The following IGSF11 variants were observed in gnomAD, a reference collection of about 807,000 sequenced individuals.
The protein encoded by IGSF11 is CXADR like 1.
In IGSF11, 22 loss-of-function variants were observed where a neutral mutation model predicts 41.0. The ratio of observed to expected loss-of-function variants is 0.54; its 90% CI spans 0.38 to 0.77. The LOEUF (loss-of-function observed/expected upper bound fraction) is 0.77. IGSF11 is among the 30% of genes least tolerant of loss of function. The pLI, the probability that IGSF11 is intolerant of heterozygous loss-of-function variation, is 0.00. For synonymous variants in IGSF11, 219 were observed against 201.3 expected, an observed-to-expected ratio of 1.09 and a Z score of -0.74; for missense variants, 444 against 530.8, an observed-to-expected ratio of 0.84 and a Z score of 1.61.
At chr3:118,994,376 G>A (rs1936070591) in intron 1 of IGSF11, among the ~76,000 whole-genome samples, 1 of 152,234 alleles carries the variant, frequency 6.6e-6, no homozygotes. Flanking sequence ...AAATAGTGGG[G>A]CTGGGCACAG....
In IGSF11 at chr3:119,127,202, G is replaced by A. The variant is rs923670881; in HGVS notation, c.-14+18611C>T. Among the ~76,000 whole-genome samples, 6 of 152,122 alleles carry A rather than the reference G, an allele frequency of 3.9e-5. 1 individual carries two copies. The highest frequency in any genetic ancestry group is 6.5e-5 in the Admixed American group (1 of 15,278). On this transcript the variant is annotated intron_variant, in intron 1 of 7. Coordinates refer to the IGSF11 transcript ENST00000425327. Reference sequence around the variant, plus strand: ...GGAACATAAATGACCTGATGGAGCTGCAAAACACAGCACAAGAATTTCATG... The same window carrying A: ...GGAACATAAATGACCTGATGGAGCTACAAAACACAGCACAAGAATTTCATG...
At chr3:119,047,632 C>T (rs1289741515) in intron 1 of IGSF11, among the ~76,000 whole-genome samples, 3 of 152,148 alleles carry the variant, frequency 2.0e-5, no homozygotes, top group Non-Finnish European at 4.4e-5. Flanking sequence ...GAACTCAGCT[C>T]TGCACCAAGA....
At chr3:119,035,168 C>T (rs749030308), upstream of IGSF11, among the ~76,000 whole-genome samples, 3 of 152,236 alleles carry the variant, frequency 2.0e-5, no homozygotes, top group Non-Finnish European at 2.9e-5. Flanking sequence ...TGGTGTCGGC[C>T]TGATGCATCC....
chr3:119,103,676 C>T (rs2076974635), intron 1 of IGSF11, among the ~76,000 whole-genome samples: 1 of 151,752 alleles, frequency 6.6e-6, no homozygotes, highest in Non-Finnish European at 1.5e-5. Flanking sequence ...TGCAGAGTCT[C>T]TTTGGTCCAC....
intron 1 of IGSF11, among the ~76,000 whole-genome samples, chr3:119,094,251 A>AAAAAAAAAAAAAAAAAAAAGG (rs2076812553): frequency 7.9e-6 from 1 of 125,966 alleles, no homozygotes; most frequent in Non-Finnish European, 1.7e-5. Context: ...AAAAAAAAAA[A>AAAAAAAAAAAAAAAAAAAAGG]GTTGTTGTTC....
chr3:119,071,511 G>A (rs1576761732), intron 1 of IGSF11, among the ~76,000 whole-genome samples: 1 of 152,028 alleles, frequency 6.6e-6, no homozygotes, highest in African/African-American at 2.4e-5. Flanking sequence ...TATAGTGTGA[G>A]GTAGGGGTCC....
rs1941610354 is a variant in IGSF11 at position 119,051,153 on chromosome 3, T to TA, written c.49+53990dup. ...CTAAAACTTAAAGTATAATAATAAT[T>TA]AATAAATAAATAAATAAATAAATAA... is the stretch of plus-strand genomic sequence containing the variant. On this transcript the variant is annotated intron_variant, in intron 1 of 6. Coordinates refer to the IGSF11 transcript ENST00000354673. Among the ~76,000 whole-genome samples the TA allele has an allele frequency of 1.3e-4, 19 of 149,180 alleles. No individual in the cohort carries two copies. In the South Asian group the frequency reaches 3.0e-3, roughly 23 times the overall value.
chr3:118,952,188 A>T (rs1368475270), intron 1 of IGSF11, among the ~76,000 whole-genome samples: 1 of 152,194 alleles, frequency 6.6e-6, no homozygotes, highest in South Asian at 2.1e-4. Context: ...CTGAGCCTTC[A>T]GTGAGTCATC....
intron 1 of IGSF11, among the ~76,000 whole-genome samples, chr3:119,116,702 G>A (rs1457392664): frequency 6.6e-6 from 1 of 152,164 alleles, no homozygotes; most frequent in Non-Finnish European, 1.5e-5. Context: ...CTGCTAAGGT[G>A]CAGACATTAT....
At chr3:118,951,452 A>G (rs538907257) in intron 1 of IGSF11, among the ~76,000 whole-genome samples, 91 of 152,232 alleles carry the variant, frequency 6.0e-4, no homozygotes, top group Non-Finnish European at 1.1e-3. Context: ...CACACACATA[A>G]GCATTTGATT....
intron 6 of IGSF11, 27 bp from the exon 7 acceptor site, chr3:118,902,988 T>C: frequency 6.3e-7 from 1 of 1,596,992 alleles, no homozygotes; most frequent in Non-Finnish European, 8.6e-7. Context: ...AAAGTCGTTG[T>C]TAGGATTTAC....
At chr3:118,922,169 G>A (rs1323221512) in intron 4 of IGSF11, among the ~76,000 whole-genome samples, 1 of 152,070 alleles carries the variant, frequency 6.6e-6, no homozygotes, top group Non-Finnish European at 1.5e-5. Context: ...GGATGTTTTA[G>A]CAATAGAAAA....
intron 1 of IGSF11, among the ~76,000 whole-genome samples, chr3:118,946,693 G>T (rs1383097812): frequency 6.6e-6 from 1 of 152,160 alleles, no homozygotes; most frequent in Non-Finnish European, 1.5e-5. Context: ...TCTAGAAAGG[G>T]TCACCACTAA....
At chr3:119,139,820 G>T (rs2077617231) in intron 1 of IGSF11, among the ~76,000 whole-genome samples, 1 of 152,114 alleles carries the variant, frequency 6.6e-6, no homozygotes, top group Admixed American at 6.6e-5. Context: ...GTGTGAATGG[G>T]TTTATAATCT....
intron 1 of IGSF11, among the ~76,000 whole-genome samples, chr3:119,089,535 C>T (rs1042483443): frequency 6.6e-6 from 1 of 152,192 alleles, no homozygotes; most frequent in African/African-American, 2.4e-5. Context: ...AGGATGCCCA[C>T]TCTCACCACT....
chr3:118,942,700 G>A (rs902151681), intron 1 of IGSF11, among the ~76,000 whole-genome samples: 1 of 152,194 alleles, frequency 6.6e-6, no homozygotes, highest in Non-Finnish European at 1.5e-5. Flanking sequence ...TAACAATTAT[G>A]TCTTTCTCCT....
chr3:119,076,003 T>G (rs1209687906), intron 1 of IGSF11, among the ~76,000 whole-genome samples: 1 of 152,128 alleles, frequency 6.6e-6, no homozygotes, highest in African/African-American at 2.4e-5. Flanking sequence ...CTACCTGACT[T>G]CAAACTATAC....
In IGSF11 at chr3:118,928,604, G is replaced by C. The variant is rs1394527469; in HGVS notation, c.329C>G (p.Thr110Ser). The C allele has an allele frequency of 5.6e-6, 9 of 1,613,864 alleles. No homozygotes were observed. Among genetic ancestry groups the C allele is most frequent in the Non-Finnish European group, 7.6e-6 (9 of 1,179,904 alleles). ...GTAGGTGCCAGTGTCTGATAACTGA[G>C]TGTTATTAATGAAGATAGAGACATT... ...ATNVSIFINNTQLSDTGTYQC... is the reference protein window; with the variant it reads ...ATNVSIFINNSQLSDTGTYQC... Residue 110 changes from threonine to serine, a missense_variant, in exon 3 of 7, where the codon ACT becomes AGT. Physicochemically the swap from Thr to Ser is moderately conservative, Grantham distance 58. This residue lies in a region of IGSF11 where 193 missense variants were observed against 283.5 expected (regional missense o/e 0.68). Transcript: ENST00000393775.
chr3:118,949,857 A>G (rs1367888005), intron 1 of IGSF11, among the ~76,000 whole-genome samples: 1 of 152,222 alleles, frequency 6.6e-6, no homozygotes, highest in Non-Finnish European at 1.5e-5. Context: ...AGGTAGATCA[A>G]AAAGCCTCTG....
Sources: allele counts gnomAD v4.1 joint callset (sites outside exome capture counted in the v4.1 genomes callset), GRCh38; gene constraint gnomAD v4.1.1; regional missense constraint gnomAD v4.1.1; transcripts MANE v1.5; gene names NCBI Gene and HGNC (gene_info 2026-07-23, HGNC 2026-07-21).